CACNG2: variants seen among roughly 807,000 people sequenced by gnomAD.
The protein encoded by CACNG2 is calcium voltage-gated channel auxiliary subunit gamma 2, also known as voltage-dependent calcium channel gamma-2 subunit.
Under a neutral mutation model 25.9 loss-of-function variants are expected in CACNG2, and 3 were observed. That is an observed-to-expected ratio of 0.12 (90% CI 0.05 to 0.30). The LOEUF (loss-of-function observed/expected upper bound fraction) is 0.30. Ranked by LOEUF, CACNG2 falls within the 10% of genes least tolerant of loss-of-function variation. The probability of loss-of-function intolerance (pLI) is 1.00; values close to 1 mark genes in which losing one functional copy is unlikely to be tolerated. For synonymous variants in CACNG2, 167 were observed against 173.3 expected, an observed-to-expected ratio of 0.96 and a Z score of 0.29; for missense variants, 341 against 432.5, an observed-to-expected ratio of 0.79 and a Z score of 1.88.
intron 1 of CACNG2, among the ~76,000 whole-genome samples, chr22:36,684,881 G>C (rs9622454): frequency 0.016 from 2,414 of 152,268 alleles, 64 homozygotes; most frequent in African/African-American, 0.055. Flanking sequence ...ACCCAGGTCT[G>C]TCTGATGCCC....
At position 36,702,656 on chromosome 22, in the gene CACNG2, A is replaced by G; in HGVS notation, c.-80T>C. 1.1e-6 allele frequency: 1 copy of G among 907,802 alleles called. No homozygotes were observed. Among genetic ancestry groups the G allele is most frequent in the Admixed American group, 1.9e-5 (1 of 51,622 alleles). 56.2% of individuals were successfully genotyped at this position (907,802 alleles called of 1,614,324 possible). The stretch of plus-strand genomic sequence containing the variant: ...TGAGGGTGCAAGTACTAAAGCCAAA[A>G]AAAATAAATAAAAATAAAAATTATT... On this transcript the variant is annotated 5_prime_UTR_variant, in exon 1 of 4. Coordinates refer to ENST00000300105, the MANE Select transcript of CACNG2 (RefSeq NM_006078.5).
chr22:36,690,389 T>C (rs1302538124), intron 1 of CACNG2, among the ~76,000 whole-genome samples: 1 of 152,018 alleles, frequency 6.6e-6, no homozygotes, highest in African/African-American at 2.4e-5. Context: ...AAAATGTGGA[T>C]TTTTATGGGA....
chr22:36,581,051 G>A (rs554926916), intron 2 of CACNG2, among the ~76,000 whole-genome samples: 98 of 152,202 alleles, frequency 6.4e-4, no homozygotes, highest in African/African-American at 2.3e-3. Flanking sequence ...GTCACACCCC[G>A]GTCACCACAG....
At chr22:36,696,545 A>G (rs764304072) in intron 1 of CACNG2, among the ~76,000 whole-genome samples, 2 of 152,220 alleles carry the variant, frequency 1.3e-5, no homozygotes, top group Non-Finnish European at 2.9e-5. Flanking sequence ...AACAAGGTAG[A>G]TTGACTTCTT....
chr22:36,563,917 T>A lies in CACNG2; in HGVS notation c.*434A>T, dbSNP rs1469275335. 1 of 137,300 alleles carries A rather than the reference T, an allele frequency of 7.3e-6. No individual in the cohort carries two copies. The highest frequency in any genetic ancestry group is 3.4e-5 in the African/African-American group (1 of 29,350). The allele number at this position is 137,300 out of a possible 1,614,324, so 8.5% of individuals were successfully genotyped here. On this transcript the variant is annotated 3_prime_UTR_variant, in exon 4 of 4. Coordinates refer to ENST00000300105, the MANE Select transcript of CACNG2 (RefSeq NM_006078.5). ...ATCCCCTTTCCTTTCTGTTCTCATT[T>A]TTTTTTTTTTTGCTTTAATGTTATC...
rs200149890 is a variant in CACNG2, at chr22:36,564,372, G to A, written c.951C>T (p.Asn317=). 43 of 1,613,920 alleles carry A rather than the reference G, an allele frequency of 2.7e-5. No individual in the cohort carries two copies. The East Asian group carries it at 8.5e-4, about 32-fold the overall frequency. The stretch of plus-strand genomic sequence containing the variant: ...GTCTTTATACGGGGGTGGTCCGGCG[G>A]TTGGCTGTGTTGGAGTGGAGAGAGT... ...NKDSLHSNTA[N]RRTTPV Residue 317 remains asparagine (N), a synonymous_variant, in exon 4 of 4, where the codon AAC becomes AAT. Transcript: ENST00000300105. This position sits in a 1 kb window ranked among gnomAD's most constrained non-coding sequence, Gnocchi z 6.7.
chr22:36,595,108 GGTGT>G (rs921421370), intron 1 of CACNG2, among the ~76,000 whole-genome samples: 3 of 148,196 alleles, frequency 2.0e-5, no homozygotes, highest in African/African-American at 5.0e-5. Flanking sequence ...TGTGTGCATG[GGTGT>G]GTGTGTGTCT....
chr22:36,605,691 C>T (rs1369375992), intron 1 of CACNG2, among the ~76,000 whole-genome samples: 1 of 152,212 alleles, frequency 6.6e-6, no homozygotes, highest in African/African-American at 2.4e-5. Context: ...CAGTGGCTGT[C>T]ACCTAGCTCG....
chr22:36,676,757 G>A (rs1937025229), intron 1 of CACNG2, among the ~76,000 whole-genome samples: 1 of 152,214 alleles, frequency 6.6e-6, no homozygotes, highest in Admixed American at 6.5e-5. Context: ...AAGCAGAAGA[G>A]GCAGACAGCC....
intron 1 of CACNG2, among the ~76,000 whole-genome samples, chr22:36,670,354 T>C (rs1569047192): frequency 6.6e-6 from 1 of 152,204 alleles, no homozygotes; most frequent in Non-Finnish European, 1.5e-5. Flanking sequence ...CAAAATGAAA[T>C]ATAAAATATA....
At chr22:36,643,481 T>TATCTATC (rs1936473752) in intron 1 of CACNG2, among the ~76,000 whole-genome samples, 3 of 125,196 alleles carry the variant, frequency 2.4e-5, no homozygotes, top group Non-Finnish European at 3.5e-5. Context: ...TCTGTCTATC[T>TATCTATC]ATCTATCTAT....
intron 1 of CACNG2, among the ~76,000 whole-genome samples, chr22:36,664,516 C>G (rs1446601756): frequency 1.3e-5 from 2 of 152,188 alleles, no homozygotes; most frequent in Admixed American, 1.3e-4. Context: ...ATGGACACCA[C>G]CTACACCCCT....
intron 2 of CACNG2, among the ~76,000 whole-genome samples, chr22:36,567,849 T>C (rs1935154347): frequency 1.3e-5 from 2 of 152,018 alleles, no homozygotes; most frequent in African/African-American, 2.4e-5. Context: ...ATATGTCTTC[T>C]TTATTATTAT....
In CACNG2 at chr22:36,564,663, G is replaced by A. The variant is rs970675754; in HGVS notation, c.660C>T (p.Ala220=). 3.4e-5 allele frequency: 55 copies of A among 1,613,848 alleles called. No individual in the cohort carries two copies. The highest frequency in any genetic ancestry group is 4.5e-5 in the East Asian group (2 of 44,898). Residue 220 remains alanine (A), a synonymous_variant, in exon 4 of 4, where the codon GCC becomes GCT. Transcript: ENST00000300105. This position sits in a 1 kb window ranked among gnomAD's most constrained non-coding sequence, Gnocchi z 6.7. ...AGCTGGGGATGCGGGTGATGGCAGA[G>A]GCCTGGAGGTAGTCCGTGGCGCGGG... The part of the protein sequence containing the change: ...ATARATDYLQ[A]SAITRIPSYR...
intron 1 of CACNG2, among the ~76,000 whole-genome samples, chr22:36,623,155 G>A (rs1307781388): frequency 6.6e-6 from 1 of 150,704 alleles, no homozygotes; most frequent in Non-Finnish European, 1.5e-5. Context: ...TGAGTAGCTG[G>A]GATTACAGGC....
At chr22:36,679,989 C>T (rs1364924281) in intron 1 of CACNG2, among the ~76,000 whole-genome samples, 3 of 151,988 alleles carry the variant, frequency 2.0e-5, no homozygotes, top group African/African-American at 7.3e-5. Context: ...TCACCATCAC[C>T]ACCACCTTCA....
intron 2 of CACNG2, among the ~76,000 whole-genome samples, chr22:36,582,857 G>C (rs540462184): frequency 6.6e-6 from 1 of 152,046 alleles, no homozygotes; most frequent in African/African-American, 2.4e-5. Context: ...TACCCTGAGG[G>C]CCATAACCTC....
chr22:36,680,608 A>ACCACC (rs1937100183), intron 1 of CACNG2, among the ~76,000 whole-genome samples: 1 of 56,618 alleles, frequency 1.8e-5, no homozygotes, highest in African/African-American at 6.6e-5. Context: ...TCATGGCTAT[A>ACCACC]ATTACTACCA....
intron 1 of CACNG2, among the ~76,000 whole-genome samples, chr22:36,621,484 C>T (rs975713904): frequency 3.3e-5 from 5 of 151,740 alleles, no homozygotes; most frequent in South Asian, 2.1e-4. Context: ...GCATGAAAAT[C>T]GCTTGAACCC....
Sources: gnomAD v4.1 joint callset for allele counts (sites outside exome capture counted in the v4.1 genomes callset) on GRCh38, gnomAD v4.1.1 for gene constraint, Gnocchi (gnomAD v3.1) non-coding constraint, MANE v1.5 for transcripts, NCBI Gene and HGNC (gene_info 2026-07-23, HGNC 2026-07-21) for gene names.